The following SLC24A3 variants were observed in gnomAD, a reference collection of about 807,000 sequenced individuals.
SLC24A3 encodes the protein solute carrier family 24 member 3.
A neutral mutation model predicts 75.8 loss-of-function variants in SLC24A3; 28 were observed. That is an observed-to-expected ratio of 0.37 (90% CI 0.27 to 0.51). The LOEUF is 0.51. Among genes scored for constraint, SLC24A3 ranks in the 20% least tolerant of loss-of-function variants. The pLI is 0.94. For missense variants in SLC24A3, 663 were observed against 847.8 expected (o/e 0.78, Z 2.71); for synonymous variants, 372 against 334.1 (o/e 1.11, Z -1.24).
chr20:19,605,048 A>G (rs981298435), intron 6 of SLC24A3, among the ~76,000 whole-genome samples: 1 of 151,866 alleles, frequency 6.6e-6, no homozygotes, highest in African/African-American at 2.4e-5. Context: ...ATATTAGAAC[A>G]CTCAGTCTGA....
intron 2 of SLC24A3, among the ~76,000 whole-genome samples, chr20:19,396,498 T>C (rs928190456): frequency 3.9e-5 from 6 of 152,238 alleles, no homozygotes; most frequent in African/African-American, 1.2e-4. Context: ...TTATAGCACA[T>C]ATCAATTCAG....
intron 2 of SLC24A3, among the ~76,000 whole-genome samples, chr20:19,432,939 T>A (rs1987129849): frequency 6.6e-6 from 1 of 152,244 alleles, no homozygotes; most frequent in South Asian, 2.1e-4. Flanking sequence ...ATTTATATCC[T>A]ATTGCTCAAG....
intron 2 of SLC24A3, among the ~76,000 whole-genome samples, chr20:19,483,145 A>G (rs1317521249): frequency 1.3e-5 from 2 of 152,218 alleles, no homozygotes; most frequent in Non-Finnish European, 2.9e-5. Context: ...ATCAGGGGCA[A>G]TGATCAGTCC....
chr20:19,351,477 T>G (rs1985563768), intron 2 of SLC24A3, among the ~76,000 whole-genome samples: 1 of 152,208 alleles, frequency 6.6e-6, no homozygotes, highest in Admixed American at 6.5e-5. Context: ...CCTCTTGGCC[T>G]TATGTCCTGG....
chr20:19,589,196 G>T (rs956029097), intron 6 of SLC24A3, among the ~76,000 whole-genome samples: 6 of 152,246 alleles, frequency 3.9e-5, no homozygotes, highest in African/African-American at 1.4e-4. Context: ...AGGAAGGCAA[G>T]GAAGAGAAAG....
At chr20:19,681,207 A>T (rs766725080) in intron 9 of SLC24A3, among the ~76,000 whole-genome samples, 2 of 152,194 alleles carry the variant, frequency 1.3e-5, no homozygotes, top group African/African-American at 4.8e-5. Flanking sequence ...CAATGTATTC[A>T]CTTGATCATT....
chr20:19,482,129 G>A (rs972634260), intron 2 of SLC24A3, among the ~76,000 whole-genome samples: 1 of 152,188 alleles, frequency 6.6e-6, no homozygotes, highest in Admixed American at 6.5e-5. Context: ...CAGCCTGGTT[G>A]TGCACCCCCT....
chr20:19,441,364 C>T (rs1393742188), intron 2 of SLC24A3, among the ~76,000 whole-genome samples: 1 of 152,166 alleles, frequency 6.6e-6, no homozygotes, highest in East Asian at 1.9e-4. Flanking sequence ...GGGCCCTGTG[C>T]ATCTGAAAGC....
chr20:19,343,502 C>A (rs370293828), intron 2 of SLC24A3, among the ~76,000 whole-genome samples: 3 of 151,996 alleles, frequency 2.0e-5, no homozygotes, highest in Non-Finnish European at 4.4e-5. Context: ...CTCATCATTA[C>A]GGCAGATATT....
chr20:19,637,705 C>T (rs1370764877), intron 6 of SLC24A3, among the ~76,000 whole-genome samples: 1 of 152,006 alleles, frequency 6.6e-6, no homozygotes, highest in African/African-American at 2.4e-5. Flanking sequence ...TCAGTGTTGA[C>T]AATATAAGAA....
intron 2 of SLC24A3, among the ~76,000 whole-genome samples, chr20:19,426,798 T>C (rs544992712): frequency 6.6e-6 from 1 of 152,282 alleles, no homozygotes; most frequent in East Asian, 1.9e-4. Context: ...GTCAGGAGGC[T>C]ACTGCGGCCA....
At chr20:19,301,678 C>A (rs1984200214) in intron 2 of SLC24A3, among the ~76,000 whole-genome samples, 2 of 152,152 alleles carry the variant, frequency 1.3e-5, no homozygotes, top group South Asian at 4.1e-4. Flanking sequence ...CTATTAAGTT[C>A]TTCCTTGTTC....
chr20:19,604,142 G>A (rs1443634059), intron 6 of SLC24A3, among the ~76,000 whole-genome samples: 2 of 152,206 alleles, frequency 1.3e-5, no homozygotes, highest in Non-Finnish European at 2.9e-5. Context: ...CTGCCAGAGG[G>A]AAGGTAGATG....
At chr20:19,278,525 C>A (rs1983557753) in intron 1 of SLC24A3, among the ~76,000 whole-genome samples, 1 of 152,200 alleles carries the variant, frequency 6.6e-6, no homozygotes, top group African/African-American at 2.4e-5. Flanking sequence ...AGGCTACTAA[C>A]CTTAACGTTT....
Position 19,524,224 on chromosome 20 carries a change from A to G in SLC24A3, c.348+8660A>G, listed in dbSNP as rs143646039. Among the ~76,000 whole-genome samples the G allele has an allele frequency of 2.6e-5, 4 of 152,234 alleles. No individual in the cohort carries two copies. In the East Asian group the frequency reaches 7.7e-4, roughly 29 times the overall value. ...AACCTCCTGGGATCCCAATTAAATG[A>G]CACGCACTGAAAACCACCTGCTTCT... On this transcript the variant is annotated intron_variant, in intron 3 of 16. Transcript: ENST00000328041.
At chr20:19,440,363 G>T (rs867790825) in intron 2 of SLC24A3, among the ~76,000 whole-genome samples, 1 of 152,168 alleles carries the variant, frequency 6.6e-6, no homozygotes, top group Non-Finnish European at 1.5e-5. Context: ...AGACAGCTGG[G>T]GAGAGAGAAT....
At chr20:19,710,834 T>G (rs1329953925) in intron 15 of SLC24A3, among the ~76,000 whole-genome samples, 1 of 152,246 alleles carries the variant, frequency 6.6e-6, no homozygotes. Context: ...TCAAAACTCA[T>G]CCAGTAGTAA....
intron 3 of SLC24A3, among the ~76,000 whole-genome samples, chr20:19,561,239 G>A (rs1317189637): frequency 1.3e-5 from 2 of 152,106 alleles, no homozygotes; most frequent in African/African-American, 4.8e-5. Flanking sequence ...TTCTCCACTG[G>A]GGAAATGTCC....
chr20:19,709,208 T>A (rs1401274172), intron 15 of SLC24A3, among the ~76,000 whole-genome samples: 1 of 152,014 alleles, frequency 6.6e-6, no homozygotes, highest in East Asian at 1.9e-4. Context: ...CTCCTCAGAG[T>A]CACTGGTGGA....
Sources: allele counts gnomAD v4.1 joint callset (sites outside exome capture counted in the v4.1 genomes callset), GRCh38; gene constraint gnomAD v4.1.1; transcripts MANE v1.5; gene names NCBI Gene and HGNC (gene_info 2026-07-23, HGNC 2026-07-21).